Variants in LZIC observed in about 807,000 individuals in gnomAD.
LZIC encodes the protein protein LZIC.
Under a neutral mutation model 25.4 loss-of-function variants are expected in LZIC, and 28 were observed. The ratio of observed to expected loss-of-function variants is 1.10; its 90% CI spans 0.82 to 1.51. The LOEUF is 1.51. Among genes scored for constraint, LZIC ranks in the 40% most tolerant of loss-of-function variants. LZIC has a pLI of 0.00. For missense variants in LZIC, 170 were observed against 211.1 expected, an observed-to-expected ratio of 0.81 and a Z score of 1.21; for synonymous variants, 65 against 70.7, an observed-to-expected ratio of 0.92 and a Z score of 0.40.
intron 1 of LZIC, 131 bp downstream of exon 1, chr1:9,943,118 A>G (rs911141480): frequency 5.6e-6 from 1 of 177,296 alleles, no homozygotes; most frequent in East Asian, 1.4e-4. Flanking sequence ...CGGCCACCGC[A>G]GCAAATCCCA....
Position 9,935,561 on chromosome 1 carries a change from A to G in LZIC, c.168T>C (p.Phe56=). Residue 56 remains phenylalanine (F), a synonymous_variant, in exon 4 of 8, where the codon TTT becomes TTC. Transcript: ENST00000377223. ...KKETLEQLSE[F]NDSLKKIMSG... ...ACATAATTTTCTTTAGTGAATCATTAAATTCACTTAGTTGCTCCAGAGTTT... is the reference window on the plus strand; with the variant it reads ...ACATAATTTTCTTTAGTGAATCATTGAATTCACTTAGTTGCTCCAGAGTTT... 6.2e-7 allele frequency: 1 copy of G among 1,610,348 alleles called. No individual in the cohort carries two copies. Among genetic ancestry groups the G allele is most frequent in the Non-Finnish European group, 8.5e-7 (1 of 1,177,498 alleles).
At chr1:9,931,764 C>G (rs919765811) in intron 7 of LZIC, 127 bp downstream of exon 7, 4 of 538,376 alleles carry the variant, frequency 7.4e-6, no homozygotes, top group Non-Finnish European at 9.8e-6. Flanking sequence ...ATAAAGAAAA[C>G]AATTCTGGTT....
At chr1:9,931,067 A>G (rs1453744432) in intron 7 of LZIC, among the ~76,000 whole-genome samples, 1 of 151,170 alleles carries the variant, frequency 6.6e-6, no homozygotes, top group African/African-American at 2.4e-5. Context: ...ATAAAGAAAG[A>G]AGAAATATTT....
chr1:9,935,479 A>G lies in LZIC; in HGVS notation c.237+13T>C, dbSNP rs376597305. The G allele has an allele frequency of 2.5e-6, 4 of 1,594,762 alleles. No homozygotes were observed. Among genetic ancestry groups the G allele is most frequent in the Non-Finnish European group, 3.4e-6 (4 of 1,174,916 alleles). On this transcript the variant is annotated intron_variant, in intron 4 of 7. Coordinates refer to ENST00000377223, the MANE Select transcript of LZIC (RefSeq NM_032368.5). ...ACAAAGTCTGTCCTCTGTCGCCTATATGTTATACTTACCAGCTGCATTCCA... is the reference window on the plus strand; with the variant it reads ...ACAAAGTCTGTCCTCTGTCGCCTATGTGTTATACTTACCAGCTGCATTCCA...
intron 3 of LZIC, 134 bp from the exon 4 acceptor site, chr1:9,935,761 T>A: frequency 1.3e-6 from 1 of 769,582 alleles, no homozygotes; most frequent in Non-Finnish European, 2.0e-6. Flanking sequence ...CACATAGTAG[T>A]AGTGAGGGCA....
At chr1:9,925,007 A>G (rs1228367087), downstream of LZIC, among the ~76,000 whole-genome samples, 1 of 151,946 alleles carries the variant, frequency 6.6e-6, no homozygotes. Flanking sequence ...TGGCTGATGT[A>G]TCATCTTAGA....
At chr1:9,922,192 T>TA, downstream of LZIC, 1 of 625,926 alleles carries the variant, frequency 1.6e-6, no homozygotes, top group Non-Finnish European at 2.0e-6. Context: ...TTACATCATA[T>TA]TCTTGTGCTG....
At chr1:9,926,050 C>T (rs958057255), downstream of LZIC, among the ~76,000 whole-genome samples, 3 of 151,868 alleles carry the variant, frequency 2.0e-5, no homozygotes, top group African/African-American at 4.8e-5. Context: ...CCCGCCACCA[C>T]GCCCAGCTAA....
chr1:9,934,715 G>T (rs919095963), intron 5 of LZIC, 47 bp downstream of exon 5: 6 of 1,524,880 alleles, frequency 3.9e-6, no homozygotes, highest in Non-Finnish European at 5.5e-6. Context: ...AATTGGCCTA[G>T]GAAATGAAAA....
chr1:9,940,998 A>G (rs929407349), intron 2 of LZIC, among the ~76,000 whole-genome samples: 6 of 152,168 alleles, frequency 3.9e-5, no homozygotes, highest in Admixed American at 1.3e-4. Context: ...ACACTGGATG[A>G]CTTGCTGTTC....
At chr1:9,922,362 G>T, downstream of LZIC, 1 of 979,306 alleles carries the variant, frequency 1.0e-6, no homozygotes, top group Non-Finnish European at 1.2e-6. Flanking sequence ...GGCCGTCCTG[G>T]GGAGCGAAAG....
Position 9,930,275 on chromosome 1 carries a change from C to T in LZIC, c.*124G>A, listed in dbSNP as rs1640152717. Reference sequence around the variant, plus strand: ...AAGCCATAAGTATATTTTTATGTCGCTTTTTCTTAGGTTATTGATGCATTT... The same window carrying T: ...AAGCCATAAGTATATTTTTATGTCGTTTTTTCTTAGGTTATTGATGCATTT... On this transcript the variant is annotated 3_prime_UTR_variant, in exon 8 of 8. Transcript: ENST00000377223. 3 of 1,541,766 alleles carry T rather than the reference C, an allele frequency of 1.9e-6. No individual in the cohort carries two copies. Among genetic ancestry groups the T allele is most frequent in the South Asian group, 1.2e-5 (1 of 80,024 alleles).
chr1:9,935,440 GAACA>G (rs1553122167), intron 4 of LZIC, 48 bp downstream of exon 4: 2 of 1,538,564 alleles, frequency 1.3e-6, no homozygotes, highest in Admixed American at 2.1e-5. Context: ...ACAAAAACAA[GAACA>G]AACAAAAAAA....
intron 5 of LZIC, 137 bp downstream of exon 5, chr1:9,934,625 A>C: frequency 1.4e-6 from 1 of 722,534 alleles, no homozygotes; most frequent in Non-Finnish European, 2.4e-6. Flanking sequence ...AATTGCTCAA[A>C]GTACTAATTT....
intron 6 of LZIC, 69 bp downstream of exon 6, chr1:9,932,734 C>T (rs1294400160): frequency 1.3e-6 from 1 of 791,604 alleles, no homozygotes. Flanking sequence ...AACTAGACCA[C>T]AGATCAAGAT....
chr1:9,931,338 C>T (rs1471207153), intron 7 of LZIC, among the ~76,000 whole-genome samples: 1 of 152,134 alleles, frequency 6.6e-6, no homozygotes, highest in Non-Finnish European at 1.5e-5. Context: ...TCTCGGCTCA[C>T]TGCAAGCTCC....
chr1:9,936,714 C>G (rs1417890647), intron 2 of LZIC, 87 bp from the exon 3 acceptor site: 2 of 858,442 alleles, frequency 2.3e-6, no homozygotes, highest in Non-Finnish European at 3.8e-6. Flanking sequence ...GAGACAGAGT[C>G]TCACTATGTT....
At chr1:9,934,610 A>G (rs1640375317) in intron 5 of LZIC, 152 bp downstream of exon 5, 2 of 684,908 alleles carry the variant, frequency 2.9e-6, no homozygotes, top group Non-Finnish European at 5.2e-6. Flanking sequence ...TTCATTATCA[A>G]CTATAATTGC....
Position 9,929,830 on chromosome 1 carries a change from TA to T in LZIC, c.*568del. 1 of 983,438 alleles carries T rather than the reference TA, an allele frequency of 1.0e-6. No individual in the cohort carries two copies. Among genetic ancestry groups the T allele is most frequent in the Non-Finnish European group, 1.2e-6 (1 of 828,114 alleles). The allele number at this position is 983,438 out of a possible 1,614,324, so 60.9% of individuals were successfully genotyped here. A position where few individuals can be genotyped will look rare whatever the true frequency, so the allele number is the denominator to read the frequency against. The stretch of plus-strand genomic sequence containing the variant: ...TACAGAAATAAAATTCAAAAGATAC[TA>T]AACTGGGAGTCAGGACACCTGAGTC... On this transcript the variant is annotated 3_prime_UTR_variant, in exon 8 of 8. Coordinates refer to ENST00000377223, the MANE Select transcript of LZIC (RefSeq NM_032368.5).
Sources: gnomAD v4.1 joint callset for allele counts (sites outside exome capture counted in the v4.1 genomes callset) on GRCh38, gnomAD v4.1.1 for gene constraint, MANE v1.5 for transcripts, NCBI Gene and HGNC (gene_info 2026-07-23, HGNC 2026-07-21) for gene names.